Variants in TUBGCP3 observed in about 807,000 individuals in gnomAD.
The protein encoded by TUBGCP3 is gamma-tubulin complex component 3.
A neutral mutation model predicts 123.1 loss-of-function variants in TUBGCP3; 50 were observed. The observed-to-expected ratio is 0.41, with a 90% CI of 0.32 to 0.51. The LOEUF (loss-of-function observed/expected upper bound fraction) is 0.51. TUBGCP3 is among the 20% of genes least tolerant of loss of function. The probability of loss-of-function intolerance (pLI) is 0.36; values close to 1 mark genes in which losing one functional copy is unlikely to be tolerated. For synonymous variants in TUBGCP3, 405 were observed against 413.9 expected (o/e 0.98, Z 0.26); for missense variants, 882 against 1,127.0 (o/e 0.78, Z 3.11).
chr13:112,588,243 C>G (rs778276321), upstream of TUBGCP3: 6 of 328,776 alleles, frequency 1.8e-5, no homozygotes, highest in Admixed American at 5.0e-5. Context: ...GGTGCATTCC[C>G]CCTGCTGCTG....
chr13:112,587,203 C>T (rs1402253724), intron 1 of TUBGCP3: 1 of 152,184 alleles, frequency 6.6e-6, no homozygotes, highest in African/African-American at 2.4e-5. Context: ...TTTCAAAGTA[C>T]CTCGACTACA....
chr13:112,497,607 G>T (rs190207140), intron 20 of TUBGCP3, among the ~76,000 whole-genome samples: 2 of 152,172 alleles, frequency 1.3e-5, no homozygotes, highest in East Asian at 3.8e-4. Flanking sequence ...GCTGAGAAAC[G>T]CATCGTTAGG....
chr13:112,574,960 A>G (rs1169691753), intron 1 of TUBGCP3, among the ~76,000 whole-genome samples: 1 of 152,192 alleles, frequency 6.6e-6, no homozygotes, highest in African/African-American at 2.4e-5. Context: ...GGGAGGAAGC[A>G]CCACAGCTCT....
intron 1 of TUBGCP3, among the ~76,000 whole-genome samples, chr13:112,576,970 G>GA (rs1310110103): frequency 7.1e-5 from 9 of 126,526 alleles, no homozygotes; most frequent in African/African-American, 8.7e-5. Flanking sequence ...GGGGTGGAGG[G>GA]AAAAAAAAAA....
chr13:112,492,038 T>G lies in TUBGCP3; in HGVS notation c.2449-2341A>C, dbSNP rs139387051. ...TCTACTATATCACCTGTATTTCTTC[T>G]AACAGCCAGGCAGTGACACTGTGTC... On this transcript the variant is annotated intron_variant, in intron 20 of 21. Transcript: ENST00000261965. 4.6e-3 allele frequency among the ~76,000 whole-genome samples: 698 copies of G among 152,340 alleles called. 3 individuals carry two copies. The highest frequency in any genetic ancestry group is 0.016 in the African/African-American group (675 of 41,574).
chr13:112,526,554 A>G (rs945499810), intron 13 of TUBGCP3, among the ~76,000 whole-genome samples: 2 of 149,006 alleles, frequency 1.3e-5, no homozygotes, highest in African/African-American at 5.0e-5. Context: ...ACCCATCCCC[A>G]ACATCATCAC....
intron 20 of TUBGCP3, among the ~76,000 whole-genome samples, chr13:112,497,906 C>A (rs936569261): frequency 4.6e-5 from 7 of 152,044 alleles, no homozygotes; most frequent in Non-Finnish European, 1.0e-4. Flanking sequence ...ATGACTGTAT[C>A]CTGAAAAAGT....
upstream of TUBGCP3, among the ~76,000 whole-genome samples, chr13:112,588,950 T>G (rs575296509): frequency 1.3e-5 from 2 of 152,336 alleles, no homozygotes; most frequent in African/African-American, 4.8e-5. Flanking sequence ...GTTGCAGAAT[T>G]GTTGGCAAGT....
At chr13:112,597,077 C>A in the TUBGCP3 span, among the ~76,000 whole-genome samples, 8 of 152,174 alleles carry the variant, frequency 5.3e-5, no homozygotes, top group Non-Finnish European at 8.8e-5. Flanking sequence ...GGGATACTGA[C>A]AAGCTGAAAC....
At chr13:112,486,640 G>A (rs1468271254) in intron 21 of TUBGCP3, among the ~76,000 whole-genome samples, 5 of 152,222 alleles carry the variant, frequency 3.3e-5, no homozygotes, top group Non-Finnish European at 7.3e-5. Flanking sequence ...GGCTGCAGCC[G>A]CCCTCTTCAT....
At position 112,559,377 on chromosome 13, in the gene TUBGCP3, G is replaced by A. The variant is rs770940514; in HGVS notation, c.275C>T (p.Ser92Leu). 1.2e-6 allele frequency: 2 copies of A among 1,602,342 alleles called. No homozygotes were observed. The highest frequency in any genetic ancestry group is 1.1e-5 in the South Asian group (1 of 89,764). Residue 92 changes from serine (S) to leucine (L), a missense_variant, in exon 4 of 22, where the codon TCA becomes TTA. Ser to Leu is a moderately radical substitution (Grantham distance 145). This residue lies in a region of TUBGCP3 where 713 missense variants were observed against 874.0 expected (regional missense o/e 0.82). Transcript: ENST00000261965. Reference protein sequence around the residue: ...HSQGVLKNKWSILYLLLSLSE... With the variant: ...HSQGVLKNKWLILYLLLSLSE... ...GAGGCTCAGCAAGAGGTAGAGTATTGACCATTTATTTTTCAAAACTCCCTG... is the reference window on the plus strand; with the variant it reads ...GAGGCTCAGCAAGAGGTAGAGTATTAACCATTTATTTTTCAAAACTCCCTG...
At chr13:112,527,160 G>GC in intron 12 of TUBGCP3, 110 bp from the exon 13 acceptor site, 1 of 967,566 alleles carries the variant, frequency 1.0e-6, no homozygotes, top group Non-Finnish European at 1.6e-6. Flanking sequence ...ACTAACAAGA[G>GC]CATCTGCTAC....
At chr13:112,504,297 G>C (rs1256871041) in intron 18 of TUBGCP3, 134 bp from the exon 19 acceptor site, 1 of 1,128,636 alleles carries the variant, frequency 8.9e-7, no homozygotes, top group Non-Finnish European at 1.2e-6. Context: ...AAACCAGCCT[G>C]GCCAACATGG....
At chr13:112,544,450 C>T (rs1329392669) in intron 11 of TUBGCP3, 1 of 84,030 alleles carries the variant, frequency 1.2e-5, no homozygotes, top group Non-Finnish European at 2.3e-5. Context: ...GAGACTCTGT[C>T]TCAAAAAAAA....
At chr13:112,548,660 CA>C (rs1273286842) in intron 8 of TUBGCP3, among the ~76,000 whole-genome samples, 5 of 152,180 alleles carry the variant, frequency 3.3e-5, no homozygotes, top group Admixed American at 6.5e-5. Flanking sequence ...ACAATCCCAT[CA>C]AAAAGTGGGC....
At chr13:112,540,335 G>A (rs113002800) in intron 11 of TUBGCP3, among the ~76,000 whole-genome samples, 2,149 of 77,180 alleles carry the variant, frequency 0.028, no homozygotes, top group African/African-American at 0.078. Context: ...GGACGTCAAT[G>A]TAGTAGCCCT....
chr13:112,500,207 G>A (rs1354906470), intron 19 of TUBGCP3, among the ~76,000 whole-genome samples: 5 of 152,166 alleles, frequency 3.3e-5, no homozygotes, highest in African/African-American at 1.2e-4. Flanking sequence ...TAGTGCAGAA[G>A]AAAATTGTGA....
At chr13:112,585,767 CAAAT>C (rs1009282416) in intron 1 of TUBGCP3, among the ~76,000 whole-genome samples, 5 of 151,686 alleles carry the variant, frequency 3.3e-5, no homozygotes, top group Non-Finnish European at 7.4e-5. Context: ...GACTCCATCT[CAAAT>C]AAATAAATAA....
chr13:112,516,300 A>G, intron 17 of TUBGCP3, 140 bp downstream of exon 17: 7 of 896,870 alleles, frequency 7.8e-6, no homozygotes, highest in Non-Finnish European at 9.1e-6. Context: ...ATTTTAAAAG[A>G]AAGTTCGCCA....
Sources: gnomAD v4.1 joint callset for allele counts (sites outside exome capture counted in the v4.1 genomes callset) on GRCh38, gnomAD v4.1.1 for gene constraint, gnomAD v4.1.1 regional missense constraint, MANE v1.5 for transcripts, NCBI Gene and HGNC (gene_info 2026-07-23, HGNC 2026-07-21) for gene names.